The following HEMK2 variants were observed in gnomAD, a reference collection of about 807,000 sequenced individuals.
The protein encoded by HEMK2 is methyltransferase HEMK2.
the HEMK2 span, among the ~76,000 whole-genome samples, chr21:28,596,308 G>A: frequency 0.11 from 17,432 of 152,062 alleles, 1,126 homozygotes; most frequent in African/African-American, 0.15. Flanking sequence ...GTAAGCCACC[G>A]CGCCCAACCC....
the HEMK2 span, among the ~76,000 whole-genome samples, chr21:28,789,665 C>T: frequency 6.6e-6 from 1 of 152,154 alleles, no homozygotes; most frequent in South Asian, 2.1e-4. Context: ...AAACAGCCGA[C>T]ATGTAGATTA....
At chr21:28,802,503 G>A in the HEMK2 span, among the ~76,000 whole-genome samples, 1 of 152,108 alleles carries the variant, frequency 6.6e-6, no homozygotes, top group Non-Finnish European at 1.5e-5. Flanking sequence ...CAAGGTGAGT[G>A]GATTACTTGA....
At chr21:28,672,357 G>A in the HEMK2 span, among the ~76,000 whole-genome samples, 317 of 152,008 alleles carry the variant, frequency 2.1e-3, 1 homozygote, top group African/African-American at 7.2e-3. Flanking sequence ...TGTAGAAAAT[G>A]GTATTGACCA....
chr21:28,717,470 T>C, the HEMK2 span, among the ~76,000 whole-genome samples: 1 of 141,400 alleles, frequency 7.1e-6, no homozygotes, highest in Non-Finnish European at 1.5e-5. Flanking sequence ...AGTTGTAATG[T>C]CATTTTAGTC....
At chr21:28,838,943 G>A in the HEMK2 span, among the ~76,000 whole-genome samples, 118 of 20,714 alleles carry the variant, frequency 5.7e-3, 1 homozygote, top group Admixed American at 0.015. Flanking sequence ...CTGAAACTCC[G>A]CCTCAAAAAA....
chr21:28,617,360 C>T, the HEMK2 span, among the ~76,000 whole-genome samples: 1 of 152,180 alleles, frequency 6.6e-6, no homozygotes, highest in Non-Finnish European at 1.5e-5. Flanking sequence ...TAATGAAAGA[C>T]CTTGCATGAC....
chr21:28,881,292 A>G, the HEMK2 span, among the ~76,000 whole-genome samples: 1 of 152,142 alleles, frequency 6.6e-6, no homozygotes, highest in Non-Finnish European at 1.5e-5. Context: ...GTTTATCCCA[A>G]TCCAGCTCCT....
the HEMK2 span, among the ~76,000 whole-genome samples, chr21:28,838,423 A>G: frequency 6.6e-6 from 1 of 151,752 alleles, no homozygotes; most frequent in Non-Finnish European, 1.5e-5. Context: ...AGTCCCAGCT[A>G]CTCTGGAGGC....
At chr21:28,773,977 T>C in the HEMK2 span, among the ~76,000 whole-genome samples, 655 of 152,258 alleles carry the variant, frequency 4.3e-3, 11 homozygotes, top group African/African-American at 8.4e-3. Flanking sequence ...AATGTAAGAA[T>C]AGATCCCAAG....
chr21:28,777,349 G>A, the HEMK2 span, among the ~76,000 whole-genome samples: 1 of 152,176 alleles, frequency 6.6e-6, no homozygotes, highest in Non-Finnish European at 1.5e-5. Flanking sequence ...CAAAGAGAAG[G>A]TGAATTTCTT....
the HEMK2 span, among the ~76,000 whole-genome samples, chr21:28,833,442 A>C: frequency 6.6e-6 from 1 of 152,252 alleles, no homozygotes; most frequent in Non-Finnish European, 1.5e-5. Flanking sequence ...CAAATCCAGT[A>C]ATGGCAGTTA....
At chr21:28,744,649 T>C in the HEMK2 span, among the ~76,000 whole-genome samples, 1 of 152,252 alleles carries the variant, frequency 6.6e-6, no homozygotes, top group Non-Finnish European at 1.5e-5. Flanking sequence ...TTTATTATGA[T>C]TCCTGCCATG....
chr21:28,782,465 G>A, the HEMK2 span, among the ~76,000 whole-genome samples: 90 of 152,224 alleles, frequency 5.9e-4, no homozygotes, highest in African/African-American at 1.3e-3. Flanking sequence ...GTTCAGAAAC[G>A]TTAACTATAA....
the HEMK2 span, among the ~76,000 whole-genome samples, chr21:28,832,472 T>C: frequency 6.6e-6 from 1 of 152,214 alleles, no homozygotes; most frequent in Non-Finnish European, 1.5e-5. Context: ...ACTTTAACTC[T>C]TTTGAACACA....
chr21:28,705,671 C>G, the HEMK2 span, among the ~76,000 whole-genome samples: 1 of 152,160 alleles, frequency 6.6e-6, no homozygotes, highest in African/African-American at 2.4e-5. Context: ...AATGTATTAT[C>G]TGACGGTTCT....
At chr21:28,730,990 G>C in the HEMK2 span, among the ~76,000 whole-genome samples, 74,642 of 151,716 alleles carry the variant, frequency 0.49, 20,858 homozygotes, top group East Asian at 0.78. Context: ...AAAAACTCAC[G>C]CTCCCTATAA....
the HEMK2 span, among the ~76,000 whole-genome samples, chr21:28,643,636 G>C: frequency 1.3e-5 from 2 of 152,156 alleles, no homozygotes; most frequent in Non-Finnish European, 2.9e-5. Flanking sequence ...CAGGACTGCA[G>C]CACTGCACTC....
the HEMK2 span, among the ~76,000 whole-genome samples, chr21:28,814,196 C>T: frequency 6.6e-6 from 1 of 152,062 alleles, no homozygotes; most frequent in African/African-American, 2.4e-5. Context: ...GAGATCATGC[C>T]ACTGCACTCT....
chr21:28,651,389 GA>G, the HEMK2 span, among the ~76,000 whole-genome samples: 1 of 152,120 alleles, frequency 6.6e-6, no homozygotes, highest in Non-Finnish European at 1.5e-5. Context: ...ACTTATTGTT[GA>G]ACTGAATCAA....
Sources: gnomAD v4.1 joint callset for allele counts (sites outside exome capture counted in the v4.1 genomes callset) on GRCh38, gnomAD v4.1.1 for gene constraint, MANE v1.5 for transcripts, NCBI Gene and HGNC (gene_info 2026-07-23, HGNC 2026-07-21) for gene names.